Variants in STK32B observed in about 807,000 individuals in gnomAD.
STK32B encodes serine/threonine kinase 32B.
A neutral mutation model predicts 52.6 loss-of-function variants in STK32B; 43 were observed. That is an observed-to-expected ratio of 0.82 (90% CI 0.64 to 1.05). The LOEUF (loss-of-function observed/expected upper bound fraction) is 1.05, where lower values mean the gene tolerates loss of function less well. Ranked by LOEUF, STK32B falls within the 50% of genes least tolerant of loss-of-function variation. The pLI, the probability that STK32B is intolerant of heterozygous loss-of-function variation, is 0.00. For synonymous variants in STK32B, 238 were observed against 204.3 expected, an observed-to-expected ratio of 1.17 and a Z score of -1.41; for missense variants, 621 against 534.6, an observed-to-expected ratio of 1.16 and a Z score of -1.59.
intron 3 of STK32B, among the ~76,000 whole-genome samples, chr4:5,170,501 T>A (rs1719281642): frequency 6.6e-6 from 1 of 151,676 alleles, no homozygotes; most frequent in Non-Finnish European, 1.5e-5. Context: ...GATGTTCCCC[T>A]TCCTGTGTCC....
intron 4 of STK32B, among the ~76,000 whole-genome samples, chr4:5,361,906 A>C (rs1488659144): frequency 6.6e-6 from 1 of 152,240 alleles, no homozygotes; most frequent in Non-Finnish European, 1.5e-5. Flanking sequence ...TATAAAACAT[A>C]ATGTCAAAAT....
intron 3 of STK32B, among the ~76,000 whole-genome samples, chr4:5,250,676 T>C (rs1725865558): frequency 6.6e-6 from 1 of 152,218 alleles, no homozygotes; most frequent in African/African-American, 2.4e-5. Flanking sequence ...TTTACTTTTC[T>C]ACCAGCAGTG....
At chr4:5,361,296 CTT>C (rs1734532683) in intron 4 of STK32B, among the ~76,000 whole-genome samples, 1 of 152,216 alleles carries the variant, frequency 6.6e-6, no homozygotes, top group Non-Finnish European at 1.5e-5. Flanking sequence ...ACAGATATCT[CTT>C]TGACACCCTG....
intron 4 of STK32B, among the ~76,000 whole-genome samples, chr4:5,351,339 T>C (rs1427270707): frequency 1.3e-5 from 2 of 151,970 alleles, no homozygotes; most frequent in African/African-American, 4.8e-5. Context: ...TGCATGGAAA[T>C]TAAACAACAT....
intron 6 of STK32B, among the ~76,000 whole-genome samples, chr4:5,437,489 C>A (rs1041504509): frequency 2.0e-5 from 3 of 152,226 alleles, no homozygotes; most frequent in Non-Finnish European, 4.4e-5. Flanking sequence ...CTTATAAAGA[C>A]ATCAGTTGTT....
At chr4:5,343,713 A>G (rs1052180069) in intron 4 of STK32B, among the ~76,000 whole-genome samples, 13 of 152,232 alleles carry the variant, frequency 8.5e-5, no homozygotes, top group Non-Finnish European at 1.8e-4. Context: ...ACACAAGCCA[A>G]AATTGACAAA....
rs181011101 is a variant in STK32B at position 5,098,282 on chromosome 4, G to A, written c.53-41623G>A. 3.5e-3 allele frequency among the ~76,000 whole-genome samples: 529 copies of A among 152,318 alleles called. 7 individuals carry two copies. The highest frequency in any genetic ancestry group is 0.012 in the African/African-American group (513 of 41,564). ...ACTTGTTATGTTTACAGTACTACAG[G>A]AAAGGAAACCGGGAGTTGGGCTCTA... On this transcript the variant is annotated intron_variant, in intron 1 of 11. Coordinates refer to ENST00000282908, the MANE Select transcript of STK32B (RefSeq NM_018401.3).
At chr4:5,126,344 C>G (rs1715362828) in intron 1 of STK32B, among the ~76,000 whole-genome samples, 1 of 152,188 alleles carries the variant, frequency 6.6e-6, no homozygotes, top group Non-Finnish European at 1.5e-5. Flanking sequence ...GTCGGTAATA[C>G]TACTTAGCAG....
At chr4:5,254,983 T>TATATATA (rs1577252456) in intron 3 of STK32B, among the ~76,000 whole-genome samples, 2 of 150,978 alleles carry the variant, frequency 1.3e-5, no homozygotes, top group African/African-American at 4.9e-5. Context: ...TATATGTTTA[T>TATATATA]TGAGCATCTT....
intron 3 of STK32B, among the ~76,000 whole-genome samples, chr4:5,224,080 A>T (rs1478994447): frequency 6.6e-6 from 1 of 152,202 alleles, no homozygotes; most frequent in Non-Finnish European, 1.5e-5. Context: ...TCTGATTTAG[A>T]TGATATCTAG....
intron 4 of STK32B, among the ~76,000 whole-genome samples, chr4:5,362,203 G>A (rs1010021086): frequency 2.6e-5 from 4 of 152,094 alleles, no homozygotes; most frequent in Non-Finnish European, 2.9e-5. Flanking sequence ...TGTGTTCCTC[G>A]ATTTAAAGTT....
chr4:5,080,482 T>C (rs1712350791), intron 1 of STK32B, among the ~76,000 whole-genome samples: 1 of 152,198 alleles, frequency 6.6e-6, no homozygotes, highest in East Asian at 1.9e-4. Flanking sequence ...TTCTGAAACG[T>C]CAGTTTCTCA....
At chr4:5,462,159 CTGTG>C (rs1285497757) in intron 9 of STK32B, among the ~76,000 whole-genome samples, 2 of 148,388 alleles carry the variant, frequency 1.3e-5, no homozygotes, top group Admixed American at 1.3e-4. Flanking sequence ...ACCCATGTGT[CTGTG>C]TGTCTGTACG....
chr4:5,195,944 C>T (rs1721614367), intron 3 of STK32B, among the ~76,000 whole-genome samples: 2 of 152,174 alleles, frequency 1.3e-5, no homozygotes, highest in South Asian at 4.1e-4. Flanking sequence ...GATGGCAACC[C>T]TAAACATACA....
intron 4 of STK32B, among the ~76,000 whole-genome samples, chr4:5,347,921 A>G (rs554275939): frequency 1.7e-4 from 26 of 152,330 alleles, no homozygotes; most frequent in Middle Eastern, 3.4e-3. Context: ...TCTTAAAAAA[A>G]TAAATTACCC....
rs376130079 is a variant in STK32B, at chr4:5,398,056, C to T, written c.435-151C>T. The T allele has an allele frequency of 1.2e-4, 86 of 713,202 alleles. No individual in the cohort carries two copies. Among genetic ancestry groups the T allele is most frequent in the East Asian group, 9.5e-4 (37 of 39,064 alleles). 44.2% of individuals were successfully genotyped at this position (713,202 alleles called of 1,614,324 possible). A position where few individuals can be genotyped will look rare whatever the true frequency, so the allele number is the denominator to read the frequency against. ...GAACACAGGTGTCCCATTATCTTACCAATTATTCTCCCACTCCATGTCTGA... is the reference window on the plus strand; with the variant it reads ...GAACACAGGTGTCCCATTATCTTACTAATTATTCTCCCACTCCATGTCTGA... On this transcript the variant is annotated intron_variant, in intron 4 of 11. Coordinates refer to ENST00000282908, the MANE Select transcript of STK32B (RefSeq NM_018401.3). The surrounding 1 kb of genome is among the most constrained non-coding windows in gnomAD (Gnocchi z 4.9).
At chr4:5,300,285 A>T (rs1053325847) in intron 3 of STK32B, among the ~76,000 whole-genome samples, 2 of 152,206 alleles carry the variant, frequency 1.3e-5, no homozygotes, top group African/African-American at 4.8e-5. Context: ...CACACCTCAA[A>T]ATAATAGGAG....
At chr4:5,407,280 T>C (rs1737744233) in intron 5 of STK32B, among the ~76,000 whole-genome samples, 1 of 152,170 alleles carries the variant, frequency 6.6e-6, no homozygotes, top group African/African-American at 2.4e-5. Flanking sequence ...ATTGTTCATA[T>C]CACTCTGCAT....
chr4:5,114,296 C>T (rs1323400395), intron 1 of STK32B, among the ~76,000 whole-genome samples: 2 of 151,886 alleles, frequency 1.3e-5, no homozygotes, highest in Non-Finnish European at 1.5e-5. Flanking sequence ...CCAACTCCTA[C>T]ACATCCTTCT....
Sources: allele counts gnomAD v4.1 joint callset (sites outside exome capture counted in the v4.1 genomes callset), GRCh38; gene constraint gnomAD v4.1.1; non-coding constraint Gnocchi (gnomAD v3.1); transcripts MANE v1.5; gene names NCBI Gene and HGNC (gene_info 2026-07-23, HGNC 2026-07-21).